PDE12: variants seen among roughly 807,000 people sequenced by gnomAD.
PDE12 encodes phosphodiesterase 12, also known as 2',5'-phosphodiesterase 12.
Under a neutral mutation model 45.4 loss-of-function variants are expected in PDE12, and 26 were observed. The ratio of observed to expected loss-of-function variants is 0.57; its 90% CI spans 0.42 to 0.79. The LOEUF (loss-of-function observed/expected upper bound fraction) is 0.79, where lower values mean the gene tolerates loss of function less well. PDE12 is among the 30% of genes least tolerant of loss of function. PDE12 has a pLI of 0.00. For synonymous variants in PDE12, 283 were observed against 323.9 expected (o/e 0.87, Z 1.36); for missense variants, 668 against 790.0 (o/e 0.85, Z 1.85).
the PDE12 span, among the ~76,000 whole-genome samples, chr3:57,615,075 G>T: frequency 6.6e-6 from 1 of 151,890 alleles, no homozygotes; most frequent in African/African-American, 2.4e-5. Flanking sequence ...ACTGCACCTG[G>T]CTAATTTTTT....
At chr3:57,649,702 T>C in the PDE12 span, among the ~76,000 whole-genome samples, 1 of 151,852 alleles carries the variant, frequency 6.6e-6, no homozygotes, top group Non-Finnish European at 1.5e-5. Context: ...CTAATACTTT[T>C]CTCATCTCCC....
chr3:57,632,322 T>C, the PDE12 span, among the ~76,000 whole-genome samples: 12 of 151,454 alleles, frequency 7.9e-5, no homozygotes, highest in African/African-American at 2.9e-4. Context: ...CCACGCCCAG[T>C]CCATGCTCTT....
Position 57,559,257 on chromosome 3 carries a change from T to G in PDE12, c.1309-53T>G, listed in dbSNP as rs114350923. Reference sequence around the variant, plus strand: ...AAAACAAACAAACAAACAAAAACATTCAGGAGATTTGCAAATGCCAACTGA... The same window carrying G: ...AAAACAAACAAACAAACAAAAACATGCAGGAGATTTGCAAATGCCAACTGA... On this transcript the variant is annotated intron_variant, in intron 1 of 2. Transcript: ENST00000311180. 2.7e-3 allele frequency: 3,673 copies of G among 1,383,024 alleles called. 88 individuals are homozygous for G. The African/African-American group carries it at 0.046, about 17-fold the overall frequency. 85.7% of individuals were successfully genotyped at this position (1,383,024 alleles called of 1,614,324 possible). A position where few individuals can be genotyped will look rare whatever the true frequency, so the allele number is the denominator to read the frequency against.
the PDE12 span, among the ~76,000 whole-genome samples, chr3:57,656,025 C>T: frequency 4.6e-5 from 7 of 152,054 alleles, no homozygotes; most frequent in Non-Finnish European, 1.0e-4. Flanking sequence ...GGGGACACTC[C>T]CTCTTTTCAT....
chr3:57,638,129 A>G, the PDE12 span, among the ~76,000 whole-genome samples: 1 of 151,992 alleles, frequency 6.6e-6, no homozygotes, highest in Non-Finnish European at 1.5e-5. Flanking sequence ...CCAAGACTCC[A>G]TCTCAAAAAA....
the PDE12 span, among the ~76,000 whole-genome samples, chr3:57,612,638 G>GT: frequency 2.6e-5 from 4 of 151,928 alleles, no homozygotes; most frequent in African/African-American, 9.7e-5. Flanking sequence ...GGGTGTGGTG[G>GT]TGCACGCCTG....
the PDE12 span, among the ~76,000 whole-genome samples, chr3:57,615,984 A>G: frequency 1.3e-4 from 20 of 152,130 alleles, no homozygotes; most frequent in Non-Finnish European, 2.9e-5. Context: ...TTGACAACTT[A>G]GATGAAATGG....
chr3:57,613,017 G>A, the PDE12 span, among the ~76,000 whole-genome samples: 1 of 152,090 alleles, frequency 6.6e-6, no homozygotes, highest in Non-Finnish European at 1.5e-5. Flanking sequence ...GTCTCGCTCT[G>A]TTACCCAGGC....
At chr3:57,577,456 G>T in the PDE12 span, 1 of 1,235,210 alleles carries the variant, frequency 8.1e-7, no homozygotes, top group Non-Finnish European at 1.2e-6. Flanking sequence ...AGTGTAGGCA[G>T]CAAAATGGTA....
the PDE12 span, among the ~76,000 whole-genome samples, chr3:57,639,667 G>A: frequency 5.3e-5 from 8 of 152,234 alleles, no homozygotes; most frequent in Middle Eastern, 3.4e-3. Flanking sequence ...AGAGTACCAT[G>A]CATCAGGCAC....
the PDE12 span, chr3:57,598,002 G>C: frequency 6.6e-6 from 1 of 152,176 alleles, no homozygotes; most frequent in Non-Finnish European, 1.5e-5. Context: ...TTCTGTCAAG[G>C]CGAGAGCGCT....
the PDE12 span, chr3:57,577,467 C>A: frequency 9.1e-7 from 1 of 1,093,190 alleles, no homozygotes; most frequent in Non-Finnish European, 1.4e-6. Context: ...CAAAATGGTA[C>A]CAATGGTTAG....
At position 57,561,226 on chromosome 3, in the gene PDE12, A is replaced by G. The variant is rs1228691512; in HGVS notation, c.*1222A>G. 1.0e-6 allele frequency: 1 copy of G among 984,952 alleles called. No individual in the cohort carries two copies. Among genetic ancestry groups the G allele is most frequent in the Non-Finnish European group, 1.2e-6 (1 of 829,224 alleles). 61.0% of individuals were successfully genotyped at this position (984,952 alleles called of 1,614,324 possible). A position where few individuals can be genotyped will look rare whatever the true frequency, so the allele number is the denominator to read the frequency against. On this transcript the variant is annotated 3_prime_UTR_variant, in exon 3 of 3. Transcript: ENST00000311180. ...AAAATACAGCACATTACTTTATGAG[A>G]AACTACCTACTGATATGGGCTTGAA...
In PDE12 at chr3:57,561,937, T is replaced by TA; in HGVS notation, c.*1939dup. 3 of 984,756 alleles carry TA rather than the reference T, an allele frequency of 3.0e-6. No individual in the cohort carries two copies. The highest frequency in any genetic ancestry group is 3.6e-6 in the Non-Finnish European group (3 of 829,308). The allele number at this position is 984,756 out of a possible 1,614,324, so 61.0% of individuals were successfully genotyped here. ...GATCTTGTTTAGAAAAAACTATAAA[T>TA]AAAAAATTGATGCTACCAAATTGTG... On this transcript the variant is annotated 3_prime_UTR_variant, in exon 3 of 3. Coordinates refer to ENST00000311180, the MANE Select transcript of PDE12 (RefSeq NM_177966.7).
the PDE12 span, among the ~76,000 whole-genome samples, chr3:57,631,685 A>G: frequency 6.6e-6 from 1 of 151,256 alleles, no homozygotes; most frequent in Non-Finnish European, 1.5e-5. Context: ...TAGACTTGAA[A>G]TGAGGTCTAC....
chr3:57,627,821 G>A, the PDE12 span: 1 of 167,240 alleles, frequency 6.0e-6, no homozygotes, highest in Non-Finnish European at 1.3e-5. Context: ...GATAGCCAGT[G>A]TGAATGTTAT....
the PDE12 span, among the ~76,000 whole-genome samples, chr3:57,577,941 G>A: frequency 6.6e-6 from 1 of 152,000 alleles, no homozygotes; most frequent in Non-Finnish European, 1.5e-5. Flanking sequence ...TTTAGTCCCA[G>A]CTACTTGGGA....
chr3:57,600,013 CACTAT>C, the PDE12 span: 2 of 151,744 alleles, frequency 1.3e-5, no homozygotes, highest in African/African-American at 4.8e-5. Context: ...TTAACCACTA[CACTAT>C]ACTACCTTCT....
chr3:57,597,706 G>A, the PDE12 span: 1 of 153,412 alleles, frequency 6.5e-6, no homozygotes, highest in Admixed American at 6.5e-5. Context: ...TATTGTCGGG[G>A]TGATAGTCCT....
Sources: gnomAD v4.1 joint callset for allele counts (sites outside exome capture counted in the v4.1 genomes callset) on GRCh38, gnomAD v4.1.1 for gene constraint, MANE v1.5 for transcripts, NCBI Gene and HGNC (gene_info 2026-07-23, HGNC 2026-07-21) for gene names.